VWA3B: variants seen among roughly 807,000 people sequenced by gnomAD.
The protein encoded by VWA3B is von Willebrand factor A domain containing 3B, also known as von Willebrand factor A domain-containing protein 3B.
Under a neutral mutation model 158.3 loss-of-function variants are expected in VWA3B, and 138 were observed. The ratio of observed to expected loss-of-function variants is 0.87; its 90% CI spans 0.76 to 1.00. The LOEUF (loss-of-function observed/expected upper bound fraction) is 1.00. Ranked by LOEUF, VWA3B falls within the 50% of genes least tolerant of loss-of-function variation. The pLI is 0.00. For synonymous variants in VWA3B, 596 were observed against 587.3 expected (o/e 1.01, Z -0.21); for missense variants, 1,555 against 1,565.1 (o/e 0.99, Z 0.11).
At chr2:98,197,265 T>G (rs1682129809) in intron 12 of VWA3B, among the ~76,000 whole-genome samples, 1 of 152,206 alleles carries the variant, frequency 6.6e-6, no homozygotes, top group African/African-American at 2.4e-5. Context: ...GGAATACTCT[T>G]CCCAGTGGAT....
At chr2:98,224,652 A>G (rs1684770594) in intron 14 of VWA3B, among the ~76,000 whole-genome samples, 1 of 152,210 alleles carries the variant, frequency 6.6e-6, no homozygotes, top group Non-Finnish European at 1.5e-5. Flanking sequence ...ATGAGAAAAC[A>G]AACCATAAAA....
In VWA3B at chr2:98,192,088, T is replaced by A. The variant is rs183914536; in HGVS notation, c.1467-810T>A. Among the ~76,000 whole-genome samples, 50 of 152,350 alleles carry A rather than the reference T, an allele frequency of 3.3e-4. No homozygotes were observed. The East Asian group carries it at 8.1e-3, about 25-fold the overall frequency. On this transcript the variant is annotated intron_variant, in intron 10 of 27. Transcript: ENST00000477737. ...TGCTTGATGCTGTCCATAAGTTTCA[T>A]TGAAGCTTCAGGAATGTGCTGGCTT...
chr2:98,129,623 C>T (rs975769140), intron 6 of VWA3B, among the ~76,000 whole-genome samples: 1 of 152,030 alleles, frequency 6.6e-6, no homozygotes, highest in Non-Finnish European at 1.5e-5. Flanking sequence ...GGCTCCTTAT[C>T]TATTGGCCTC....
At chr2:98,213,994 C>T (rs1683762901) in intron 13 of VWA3B, among the ~76,000 whole-genome samples, 1 of 151,958 alleles carries the variant, frequency 6.6e-6, no homozygotes, top group South Asian at 2.1e-4. Context: ...AGTTCAAGAC[C>T]AGCCTGGACA....
chr2:98,327,697 C>T, the VWA3B span, among the ~76,000 whole-genome samples: 2 of 152,178 alleles, frequency 1.3e-5, no homozygotes, highest in African/African-American at 4.8e-5. Context: ...CAGTCAAAGA[C>T]AACCTCTGTG....
At chr2:98,277,668 T>C (rs182032100) in intron 22 of VWA3B, among the ~76,000 whole-genome samples, 1 of 152,142 alleles carries the variant, frequency 6.6e-6, no homozygotes, top group Admixed American at 6.5e-5. Flanking sequence ...GGGTGGGGAA[T>C]TGAGTGCTCT....
intron 2 of VWA3B, among the ~76,000 whole-genome samples, chr2:98,111,095 T>C (rs910121774): frequency 6.6e-6 from 1 of 152,202 alleles, no homozygotes; most frequent in Non-Finnish European, 1.5e-5. Flanking sequence ...GAAAATGGGC[T>C]AATACAACCC....
intron 2 of VWA3B, among the ~76,000 whole-genome samples, chr2:98,108,134 G>A (rs183885194): frequency 1.8e-4 from 28 of 151,928 alleles, no homozygotes; most frequent in Non-Finnish European, 2.7e-4. Context: ...TTTTAGATGC[G>A]TATTGTTTAG....
chr2:98,166,617 C>G lies in VWA3B; in HGVS notation c.1114+3641C>G, dbSNP rs546801800. 1.0e-3 allele frequency among the ~76,000 whole-genome samples: 153 copies of G among 152,218 alleles called. 1 individual carries two copies. In the South Asian group the frequency reaches 0.027, roughly 27 times the overall value. ...AAAATAAATGTCTGTCCTTTAAGCC[C>G]CCCAGCCTCTGGTGTTTTGTGATGG... On this transcript the variant is annotated intron_variant, in intron 8 of 27. Transcript: ENST00000477737.
intron 14 of VWA3B, among the ~76,000 whole-genome samples, chr2:98,219,749 A>C (rs1178269915): frequency 6.6e-6 from 1 of 152,246 alleles, no homozygotes; most frequent in African/African-American, 2.4e-5. Flanking sequence ...GTCTCATCAG[A>C]AATAATGCAA....
intron 12 of VWA3B, among the ~76,000 whole-genome samples, chr2:98,199,997 A>C (rs1230485341): frequency 1.3e-5 from 2 of 152,174 alleles, no homozygotes; most frequent in Non-Finnish European, 2.9e-5. Context: ...CCATTACTTT[A>C]CATCTTCTCC....
chr2:98,132,470 G>A (rs1319156575), intron 6 of VWA3B, among the ~76,000 whole-genome samples: 3 of 152,348 alleles, frequency 2.0e-5, no homozygotes, highest in Non-Finnish European at 4.4e-5. Context: ...GCCAGAGGCT[G>A]TGTCTGGGTA....
At chr2:98,259,674 C>A (rs1687363798) in intron 21 of VWA3B, among the ~76,000 whole-genome samples, 1 of 151,558 alleles carries the variant, frequency 6.6e-6, no homozygotes, top group South Asian at 2.1e-4. Flanking sequence ...TGTTGATATT[C>A]TCAAGGAACA....
At chr2:98,245,860 T>G (rs1686359642) in intron 19 of VWA3B, among the ~76,000 whole-genome samples, 1 of 152,162 alleles carries the variant, frequency 6.6e-6, no homozygotes, top group Non-Finnish European at 1.5e-5. Flanking sequence ...TTTCGAGAGA[T>G]GATTTTATTT....
chr2:98,216,976 G>C, intron 13 of VWA3B: 1 of 1,193,382 alleles, frequency 8.4e-7, no homozygotes, highest in Non-Finnish European at 1.1e-6. Flanking sequence ...GTGTATCATT[G>C]TAAGCACCCG....
intron 8 of VWA3B, among the ~76,000 whole-genome samples, chr2:98,167,974 T>G (rs953567497): frequency 6.6e-6 from 1 of 152,144 alleles, no homozygotes; most frequent in Non-Finnish European, 1.5e-5. Flanking sequence ...TATTTCTAGG[T>G]AACATAACTG....
At chr2:98,268,342 A>G (rs1687981824) in intron 21 of VWA3B, among the ~76,000 whole-genome samples, 1 of 152,120 alleles carries the variant, frequency 6.6e-6, no homozygotes. Context: ...CTTATCCACC[A>G]TGATCAAGTG....
chr2:98,198,610 T>G (rs1481591738), intron 12 of VWA3B, among the ~76,000 whole-genome samples: 1 of 152,162 alleles, frequency 6.6e-6, no homozygotes, highest in Non-Finnish European at 1.5e-5. Flanking sequence ...TAGAGTCATG[T>G]ATCTCCACCA....
At chr2:98,219,058 A>G (rs1168003652) in intron 14 of VWA3B, among the ~76,000 whole-genome samples, 3 of 152,238 alleles carry the variant, frequency 2.0e-5, no homozygotes, top group Non-Finnish European at 4.4e-5. Context: ...ACAAACCCCA[A>G]GAATAATTAC....
Sources: allele counts gnomAD v4.1 joint callset (sites outside exome capture counted in the v4.1 genomes callset), GRCh38; gene constraint gnomAD v4.1.1; transcripts MANE v1.5; gene names NCBI Gene and HGNC (gene_info 2026-07-23, HGNC 2026-07-21).